Variants in EYA4 observed in about 807,000 individuals in gnomAD.
EYA4 encodes protein phosphatase EYA4.
Under a neutral mutation model 87.9 loss-of-function variants are expected in EYA4, and 31 were observed. The observed-to-expected ratio is 0.35, with a 90% CI of 0.27 to 0.48. EYA4 has a LOEUF of 0.48. Among genes scored for constraint, EYA4 ranks in the 20% least tolerant of loss-of-function variants. The pLI, the probability that EYA4 is intolerant of heterozygous loss-of-function variation, is 0.99. For synonymous variants in EYA4, 263 were observed against 270.6 expected, an observed-to-expected ratio of 0.97 and a Z score of 0.28; for missense variants, 678 against 761.4, an observed-to-expected ratio of 0.89 and a Z score of 1.29.
At chr6:133,497,483 T>C (rs1797737847) in intron 13 of EYA4, among the ~76,000 whole-genome samples, 1 of 152,104 alleles carries the variant, frequency 6.6e-6, no homozygotes, top group African/African-American at 2.4e-5. Flanking sequence ...TTTCTGACGA[T>C]GGTGAATGAG....
At chr6:133,280,918 A>G (rs1385306954) in intron 2 of EYA4, among the ~76,000 whole-genome samples, 1 of 152,050 alleles carries the variant, frequency 6.6e-6, no homozygotes, top group African/African-American at 2.4e-5. Flanking sequence ...TCCACTTCCT[A>G]TCTCTATGGA....
chr6:133,306,116 T>C (rs1032670003), intron 2 of EYA4, among the ~76,000 whole-genome samples: 5 of 152,192 alleles, frequency 3.3e-5, no homozygotes, highest in African/African-American at 1.2e-4. Context: ...CTGGTTCCTT[T>C]TCTGTCCGAT....
intron 3 of EYA4, among the ~76,000 whole-genome samples, chr6:133,391,673 G>A (rs1280406227): frequency 1.3e-5 from 2 of 151,952 alleles, no homozygotes; most frequent in Non-Finnish European, 2.9e-5. Flanking sequence ...TTCTAGGGAC[G>A]GGAATGTTTT....
chr6:133,318,556 C>A (rs1321653908), intron 2 of EYA4, among the ~76,000 whole-genome samples: 1 of 151,946 alleles, frequency 6.6e-6, no homozygotes, highest in Non-Finnish European at 1.5e-5. Context: ...ATTCTGTTTC[C>A]AGATGCTCTT....
intron 9 of EYA4, among the ~76,000 whole-genome samples, chr6:133,463,483 C>A (rs1449684364): frequency 6.6e-6 from 1 of 151,524 alleles, no homozygotes; most frequent in Non-Finnish European, 1.5e-5. Context: ...GCCTCAGCCT[C>A]CTGAGTAGCT....
intron 2 of EYA4, among the ~76,000 whole-genome samples, chr6:133,333,404 G>A (rs1782131466): frequency 6.6e-6 from 1 of 152,206 alleles, no homozygotes; most frequent in South Asian, 2.1e-4. Context: ...TTTGCCTCCA[G>A]AGAGAGGACT....
intron 3 of EYA4, among the ~76,000 whole-genome samples, chr6:133,441,768 GGAATGAGTCAGGGTGGAGCAGGTAATCA>G (rs1792319357): frequency 6.6e-6 from 1 of 151,586 alleles, no homozygotes; most frequent in African/African-American, 2.4e-5. Flanking sequence ...GCAGGTAATT[GGAATGAGTCAGGGTGGAGCAGGTAATCA>G]GAATGAGTCA....
intron 2 of EYA4, among the ~76,000 whole-genome samples, chr6:133,327,781 T>C (rs1047808356): frequency 6.6e-6 from 1 of 152,186 alleles, no homozygotes; most frequent in Non-Finnish European, 1.5e-5. Context: ...ATAAAATCAG[T>C]CTATAGAGAC....
chr6:133,302,581 G>A (rs1779495387), intron 2 of EYA4, among the ~76,000 whole-genome samples: 1 of 152,136 alleles, frequency 6.6e-6, no homozygotes, highest in Non-Finnish European at 1.5e-5. Flanking sequence ...CTTAGCTTCT[G>A]CAATGAAGTT....
intron 2 of EYA4, among the ~76,000 whole-genome samples, chr6:133,282,041 C>T (rs1052241862): frequency 2.6e-5 from 4 of 151,982 alleles, no homozygotes; most frequent in African/African-American, 9.7e-5. Flanking sequence ...AAGTTGGTTC[C>T]TTGTCTTTGC....
intron 2 of EYA4, among the ~76,000 whole-genome samples, chr6:133,332,794 C>A (rs1782079117): frequency 6.7e-6 from 1 of 149,540 alleles, no homozygotes; most frequent in Admixed American, 6.8e-5. Flanking sequence ...AATCTCCTGA[C>A]CTCGTGATCC....
intron 2 of EYA4, among the ~76,000 whole-genome samples, chr6:133,296,173 G>A (rs903426620): frequency 6.6e-6 from 1 of 152,178 alleles, no homozygotes; most frequent in African/African-American, 2.4e-5. Context: ...CTCAAGTGGG[G>A]ACTTGGTGGC....
intron 2 of EYA4, among the ~76,000 whole-genome samples, chr6:133,310,363 A>G (rs1024634840): frequency 1.3e-5 from 2 of 152,170 alleles, no homozygotes; most frequent in Non-Finnish European, 2.9e-5. Context: ...TTTATCTCCC[A>G]CCAATATGTT....
chr6:133,274,528 T>C (rs577177045), intron 1 of EYA4, among the ~76,000 whole-genome samples, 188 bp from the exon 2 acceptor site: 22 of 152,294 alleles, frequency 1.4e-4, no homozygotes, highest in African/African-American at 4.3e-4. Context: ...TACCCCACTT[T>C]TACCATGACA....
chr6:133,507,176 T>A (rs1798712981), intron 14 of EYA4: 1 of 152,204 alleles, frequency 6.6e-6, no homozygotes, highest in Non-Finnish European at 1.5e-5. Context: ...AGTAAATGTG[T>A]TTATCACATT....
chr6:133,267,968 C>T (rs752330266), intron 1 of EYA4, among the ~76,000 whole-genome samples: 5 of 152,064 alleles, frequency 3.3e-5, no homozygotes, highest in Non-Finnish European at 4.4e-5. Flanking sequence ...TGGTTGAGGA[C>T]ACCGTGTTCA....
At chr6:133,296,448 A>C (rs1415003031) in intron 2 of EYA4, among the ~76,000 whole-genome samples, 1 of 152,176 alleles carries the variant, frequency 6.6e-6, no homozygotes, top group Non-Finnish European at 1.5e-5. Flanking sequence ...CTGTTGCAGT[A>C]GTTCAGGCAT....
intron 2 of EYA4, among the ~76,000 whole-genome samples, chr6:133,299,126 G>A (rs1779169793): frequency 6.6e-6 from 1 of 152,148 alleles, no homozygotes; most frequent in African/African-American, 2.4e-5. Context: ...GAACAGGGCG[G>A]AATTTTAGAT....
At chr6:133,445,877 G>T (rs1792782995) in intron 3 of EYA4, among the ~76,000 whole-genome samples, 1 of 152,222 alleles carries the variant, frequency 6.6e-6, no homozygotes, top group Non-Finnish European at 1.5e-5. Flanking sequence ...ACCGCGCCCG[G>T]CCTCTAGTTT....
Sources: allele counts gnomAD v4.1 joint callset (sites outside exome capture counted in the v4.1 genomes callset), GRCh38; gene constraint gnomAD v4.1.1; transcripts MANE v1.5; gene names NCBI Gene and HGNC (gene_info 2026-07-23, HGNC 2026-07-21).